The following CIC variants were observed in gnomAD, a reference collection of about 807,000 sequenced individuals.
CIC encodes capicua transcriptional repressor.
A neutral mutation model predicts 115.7 loss-of-function variants in CIC; 18 were observed. The observed-to-expected ratio is 0.16, with a 90% confidence interval of 0.11 to 0.23. The LOEUF (loss-of-function observed/expected upper bound fraction) is 0.23, where lower values mean the gene tolerates loss of function less well. CIC is among the 10% of genes least tolerant of loss of function. The pLI, the probability that CIC is intolerant of heterozygous loss-of-function variation, is 1.00. For synonymous variants in CIC, 1,076 were observed against 923.0 expected (o/e 1.17, Z -3.01); for missense variants, 2,000 against 2,159.3 (o/e 0.93, Z 1.46).
chr19:42,286,979 C>A (rs369281519), intron 3 of CIC, 27 bp from the exon 4 acceptor site: 1 of 1,608,154 alleles, frequency 6.2e-7, no homozygotes, highest in Non-Finnish European at 8.5e-7. Context: ...GGCCTAGGAG[C>A]CCTCTGATCT....
intron 2 of CIC, among the ~76,000 whole-genome samples, chr19:42,282,459 G>C (rs138908440): frequency 6.6e-6 from 1 of 152,324 alleles, no homozygotes; most frequent in African/African-American, 2.4e-5. Flanking sequence ...TGGCTCCAGG[G>C]CCCCTCTTGG....
intron 15 of CIC, 46 bp downstream of exon 15, chr19:42,292,905 G>T: frequency 6.2e-7 from 1 of 1,613,950 alleles, no homozygotes; most frequent in Non-Finnish European, 8.5e-7. Context: ...GGGGACCCAG[G>T]GGATGGGCTC....
Position 42,294,717 on chromosome 19 carries a change from C to T in CIC, c.7168C>T (p.His2390Tyr). The change falls in exon 20 of 21, where the codon CAT becomes TAT. Residue 2390 changes from histidine to tyrosine, a missense_variant. By Grantham distance (83) the His-to-Tyr change is moderately conservative (BLOSUM62 2). This residue lies in a region of CIC where 99 missense variants were observed against 217.6 expected (regional missense o/e 0.45). Coordinates refer to ENST00000681038, the MANE Select transcript of CIC (RefSeq NM_001386298.1). ...RALVMQLFQD[H>Y]GFFPSAQATA... ...CCTGGTCATGCAGCTCTTTCAGGAC[C>T]ATGGCTTCTTCCCGTCAGGTGAGCC... The T allele has an allele frequency of 1.2e-6, 2 of 1,613,610 alleles. No homozygotes were observed. Among genetic ancestry groups the T allele is most frequent in the Non-Finnish European group, 1.7e-6 (2 of 1,180,026 alleles).
rs2036820426 is a variant in CIC, at chr19:42,272,340, G to A, written c.557G>A (p.Gly186Asp). 2.5e-6 allele frequency: 1 copy of A among 398,530 alleles called. No homozygotes were observed. Among genetic ancestry groups the A allele is most frequent in the Middle Eastern group, 6.3e-4 (1 of 1,588 alleles). The allele number at this position is 398,530 out of a possible 1,614,324, so 24.7% of individuals were successfully genotyped here. ...GAGCCGGCTGAGGCTTGTGGTCCAGGCCCTTGGCCCCCTGGCAGCACCAGT... is the reference window on the plus strand; with the variant it reads ...GAGCCGGCTGAGGCTTGTGGTCCAGACCCTTGGCCCCCTGGCAGCACCAGT... ...EDEPAEACGPGPWPPGSTSGS... is the reference protein window; with the variant it reads ...EDEPAEACGPDPWPPGSTSGS... The change falls in exon 2 of 21, where the codon GGC becomes GAC. Residue 186 changes from glycine to aspartate, a missense_variant. Physicochemically the swap from Gly to Asp is moderately conservative, Grantham distance 94. This residue lies in a region of CIC where 222 missense variants were observed against 247.7 expected (regional missense o/e 0.90). Transcript: ENST00000681038.
chr19:42,283,055 C>T (rs1027078485), intron 2 of CIC, among the ~76,000 whole-genome samples: 2 of 152,086 alleles, frequency 1.3e-5, no homozygotes, highest in Non-Finnish European at 2.9e-5. Context: ...CCTGATGGGC[C>T]TGGGTACTGA....
At chr19:42,283,225 G>T (rs559482548) in intron 2 of CIC, among the ~76,000 whole-genome samples, 9 of 152,198 alleles carry the variant, frequency 5.9e-5, no homozygotes, top group Admixed American at 5.2e-4. Context: ...GAGGGGTGTG[G>T]AGTGTGTGTA....
Position 42,289,829 on chromosome 19 carries a change from G to C in CIC, c.4088-19G>C, listed in dbSNP as rs1375811798. The C allele has an allele frequency of 6.4e-7, 1 of 1,569,010 alleles. No individual in the cohort carries two copies. Among genetic ancestry groups the C allele is most frequent in the Non-Finnish European group, 8.7e-7 (1 of 1,154,376 alleles). The stretch of plus-strand genomic sequence containing the variant: ...CTGCATCTAGCCCCCTCCCCATACT[G>C]TTCCCTCCACTCCCTCAGCTGACGA... On this transcript the variant is annotated intron_variant, in intron 9 of 20. Coordinates refer to ENST00000681038, the MANE Select transcript of CIC (RefSeq NM_001386298.1).
intron 2 of CIC, among the ~76,000 whole-genome samples, chr19:42,281,917 G>A (rs545404144): frequency 4.6e-4 from 70 of 152,356 alleles, no homozygotes; most frequent in African/African-American, 1.5e-3. Context: ...CGGGGATCTG[G>A]GGGGCAGAGC....
At chr19:42,288,006 C>A in intron 7 of CIC, 31 bp downstream of exon 7, 1 of 1,563,554 alleles carries the variant, frequency 6.4e-7, no homozygotes, top group Non-Finnish European at 8.7e-7. Context: ...TCCCACCCTG[C>A]CACCTCCCTC....
In CIC at chr19:42,294,049, C is replaced by T. The variant is rs1291701752; in HGVS notation, c.6882C>T (p.Ala2294=). The stretch of plus-strand genomic sequence containing the variant: ...AGTCTCTGGCCACCTCACCCCGGGC[C>T]ATCCTGGGCTCTTACCGCAAGAAGA... ...TLQSLATSPR[A]ILGSYRKKRK... The change falls in exon 18 of 21, where the codon GCC becomes GCT. Residue 2294 remains alanine, a synonymous_variant. Transcript: ENST00000681038. 5 of 1,613,672 alleles carry T rather than the reference C, an allele frequency of 3.1e-6. No individual in the cohort carries two copies. Among genetic ancestry groups the T allele is most frequent in the South Asian group, 2.2e-5 (2 of 91,092 alleles).
In CIC at chr19:42,290,642, G is replaced by A. The variant is rs1336743202; in HGVS notation, c.4601G>A (p.Gly1534Glu). 6.2e-7 allele frequency: 1 copy of A among 1,613,464 alleles called. No homozygotes were observed. Among genetic ancestry groups the A allele is most frequent in the Admixed American group, 1.7e-5 (1 of 60,008 alleles). The change falls in exon 11 of 21, where the codon GGA becomes GAA. Residue 1534 changes from glycine (G) to glutamate (E), a missense_variant. Gly to Glu is a moderately conservative substitution (Grantham distance 98). Around this residue, in one of 8 missense-constraint regions of CIC, gnomAD observed 1,466 missense variants for 1,390.4 expected, o/e 1.05. Transcript: ENST00000681038. ...SVIAAPPSGG[G>E]NILQTLVLPP... ...ATCGCGGCCCCTCCCAGCGGAGGAGGAAACATCCTGCAGACACTGGTGCTG... is the reference window on the plus strand; with the variant it reads ...ATCGCGGCCCCTCCCAGCGGAGGAGAAAACATCCTGCAGACACTGGTGCTG...
In CIC at chr19:42,270,505, G is replaced by A. The variant is rs1441898253; in HGVS notation, c.-11+1124G>A. Among the ~76,000 whole-genome samples the A allele has an allele frequency of 6.6e-6, 1 of 152,198 alleles. No homozygotes were observed. The highest frequency in any genetic ancestry group is 1.5e-5 in the Non-Finnish European group (1 of 68,038). ...GTTTTTTCCCCTTTTCTTTTCTCAG[G>A]GCAGCTCGAAAGGGGGCGGGCAGTA... On this transcript the variant is annotated intron_variant, in intron 1 of 20. Coordinates refer to ENST00000681038, the MANE Select transcript of CIC (RefSeq NM_001386298.1). The surrounding 1 kb of genome is among the most constrained non-coding windows in gnomAD (Gnocchi z 4.1).
In CIC at chr19:42,291,701, C is replaced by G. The variant is rs2038125077; in HGVS notation, c.5569C>G (p.Pro1857Ala). ...CCAGCCACTGCCACTGGTGAGCCCG[C>G]CCTTCTCAGTACCTGTGCAGAATGG... ...AGQPLPLVSP[P>A]FSVPVQNGAQ... Residue 1857 changes from proline to alanine, a missense_variant, in exon 12 of 21, where the codon CCC (proline) becomes GCC (alanine). This residue lies in a region of CIC where 1,466 missense variants were observed against 1,390.4 expected (regional missense o/e 1.05). Transcript: ENST00000681038. 1 of 1,613,044 alleles carries G rather than the reference C, an allele frequency of 6.2e-7. No homozygotes were observed. Among genetic ancestry groups the G allele is most frequent in the Non-Finnish European group, 8.5e-7 (1 of 1,180,014 alleles).
intron 2 of CIC, 85 bp from the exon 3 acceptor site, chr19:42,286,682 GGGCT>G: frequency 6.4e-7 from 1 of 1,563,190 alleles, no homozygotes; most frequent in Non-Finnish European, 8.7e-7. Flanking sequence ...AAAAGGGGTG[GGGCT>G]ACCTCATCTA....
rs544275910 is a variant in CIC, at chr19:42,292,486, G to A, written c.5902+20G>A. Reference sequence around the variant, plus strand: ...TCTCAGGTGAGGGGCGGCCTGGCAGGCAGTGCTGGGGACCCAGGGTGGGGC... The same window carrying A: ...TCTCAGGTGAGGGGCGGCCTGGCAGACAGTGCTGGGGACCCAGGGTGGGGC... On this transcript the variant is annotated intron_variant, in intron 14 of 20. Transcript: ENST00000681038. The A allele has an allele frequency of 2.5e-6, 4 of 1,611,054 alleles. No homozygotes were observed. Among genetic ancestry groups the A allele is most frequent in the Non-Finnish European group, 3.4e-6 (4 of 1,179,038 alleles).
chr19:42,293,266 G>A lies in CIC; in HGVS notation c.6507G>A (p.Lys2169=). The A allele has an allele frequency of 1.9e-6, 3 of 1,580,792 alleles. No individual in the cohort carries two copies. Among genetic ancestry groups the A allele is most frequent in the Non-Finnish European group, 1.7e-6 (2 of 1,165,868 alleles). ...CTGCTGAGGAGCGGACCAGCGCCAAGGGCCCTGAGACCATGGTGAGCGCCT... is the reference window on the plus strand; with the variant it reads ...CTGCTGAGGAGCGGACCAGCGCCAAAGGCCCTGAGACCATGGTGAGCGCCT... ...PPPAEERTSA[K]GPETMASKFP... The change falls in exon 16 of 21, where the codon AAG becomes AAA. Residue 2169 remains lysine (K), a synonymous_variant. Coordinates refer to ENST00000681038, the MANE Select transcript of CIC (RefSeq NM_001386298.1).
At position 42,293,681 on chromosome 19, in the gene CIC, G is replaced by A. The variant is rs1291510640; in HGVS notation, c.6612G>A (p.Pro2204=). 12 of 1,612,582 alleles carry A rather than the reference G, an allele frequency of 7.4e-6. No homozygotes were observed. The highest frequency in any genetic ancestry group is 2.2e-5 in the South Asian group (2 of 91,038). Residue 2204 remains proline (P), a synonymous_variant, in exon 17 of 21, where the codon CCG becomes CCA. Transcript: ENST00000681038. ...GGGAGCCTCCCACTCCTCCCAGCCC[G>A]GCCCCAGCTCCAGCTGTAGCCCCTG... The part of the protein sequence containing the change: ...NRGEPPTPPS[P]APAPAVAPGG...
chr19:42,276,962 CCAGT>C (rs2037004106), intron 2 of CIC, among the ~76,000 whole-genome samples: 1 of 152,184 alleles, frequency 6.6e-6, no homozygotes, highest in African/African-American at 2.4e-5. Flanking sequence ...GGCCAGCCAG[CCAGT>C]GAGGGGCAGG....
chr19:42,290,676 C>G lies in CIC; in HGVS notation c.4635C>G (p.Asn1545Lys). 6.2e-7 allele frequency: 1 copy of G among 1,613,214 alleles called. No homozygotes were observed. Among genetic ancestry groups the G allele is most frequent in the Admixed American group, 1.7e-5 (1 of 60,022 alleles). Residue 1545 changes from asparagine (N) to lysine (K), a missense_variant, in exon 11 of 21, where the codon AAC becomes AAG. Asn to Lys is a moderately conservative substitution (Grantham distance 94, BLOSUM62 0). Around this residue, in one of 8 missense-constraint regions of CIC, gnomAD observed 1,466 missense variants for 1,390.4 expected, o/e 1.05. Coordinates refer to ENST00000681038, the MANE Select transcript of CIC (RefSeq NM_001386298.1). ...TGCAGACACTGGTGCTGCCCCCAAACAAGGAGGAGCAAGAGGGCGGCGGAG... is the reference window on the plus strand; with the variant it reads ...TGCAGACACTGGTGCTGCCCCCAAAGAAGGAGGAGCAAGAGGGCGGCGGAG... ...NILQTLVLPP[N>K]KEEQEGGGAR...
Sources: gnomAD v4.1 joint callset for allele counts (sites outside exome capture counted in the v4.1 genomes callset) on GRCh38, gnomAD v4.1.1 for gene constraint, gnomAD v4.1.1 regional missense constraint, Gnocchi (gnomAD v3.1) non-coding constraint, MANE v1.5 for transcripts, NCBI Gene and HGNC (gene_info 2026-07-23, HGNC 2026-07-21) for gene names.